Variants in SUMF1 observed in about 807,000 individuals in gnomAD.
SUMF1 encodes the protein sulfatase modifying factor 1.
SUMF1 carries 48 observed loss-of-function variants against 47.6 expected under a neutral mutation model. That is an observed-to-expected ratio of 1.01 (90% CI 0.80 to 1.28). The LOEUF (loss-of-function observed/expected upper bound fraction) is 1.28. SUMF1 is among the 50% of genes most tolerant of loss of function. The probability of loss-of-function intolerance (pLI) is 0.00; values close to 1 mark genes in which losing one functional copy is unlikely to be tolerated. For missense variants in SUMF1, 571 were observed against 485.4 expected (o/e 1.18, Z -1.66); for synonymous variants, 230 against 192.1 (o/e 1.20, Z -1.63).
chr3:4,196,753 G>A (rs2125148361), intron 8 of SUMF1, among the ~76,000 whole-genome samples: 1 of 152,158 alleles, frequency 6.6e-6, no homozygotes, highest in Middle Eastern at 3.4e-3. Flanking sequence ...TTCCTCACCT[G>A]CAATGTATCC....
chr3:4,340,839 G>A (rs1040758818), intron 8 of SUMF1, among the ~76,000 whole-genome samples: 1 of 152,232 alleles, frequency 6.6e-6, no homozygotes, highest in African/African-American at 2.4e-5. Flanking sequence ...TGTAGAATAT[G>A]AGGGCCTCAT....
At chr3:4,115,527 G>T (rs1693401880) in intron 8 of SUMF1, among the ~76,000 whole-genome samples, 1 of 151,738 alleles carries the variant, frequency 6.6e-6, no homozygotes, top group Non-Finnish European at 1.5e-5. Flanking sequence ...AACCGTAGAT[G>T]CTGCCTTGGG....
chr3:4,201,299 TC>T (rs1695535454), intron 8 of SUMF1, among the ~76,000 whole-genome samples: 1 of 152,074 alleles, frequency 6.6e-6, no homozygotes, highest in South Asian at 2.1e-4. Context: ...ACACTACCCT[TC>T]CTAGCTTCTG....
chr3:4,162,344 G>T (rs936412221), intron 8 of SUMF1, among the ~76,000 whole-genome samples: 1 of 152,152 alleles, frequency 6.6e-6, no homozygotes. Flanking sequence ...ATGTCCCCCA[G>T]ATCCACTGGC....
At chr3:4,117,866 T>C (rs1574898902) in intron 8 of SUMF1, among the ~76,000 whole-genome samples, 1 of 152,072 alleles carries the variant, frequency 6.6e-6, no homozygotes, top group African/African-American at 2.4e-5. Context: ...TAATTGGTAT[T>C]CAAGTTGAGA....
At chr3:4,121,630 A>G (rs1322956387) in intron 8 of SUMF1, among the ~76,000 whole-genome samples, 1 of 152,176 alleles carries the variant, frequency 6.6e-6, no homozygotes, top group Non-Finnish European at 1.5e-5. Context: ...TGACCTAGCA[A>G]TTTCATTCCT....
At chr3:4,250,977 T>C (rs1696789360) in intron 8 of SUMF1, among the ~76,000 whole-genome samples, 1 of 151,952 alleles carries the variant, frequency 6.6e-6, no homozygotes, top group Admixed American at 6.6e-5. Flanking sequence ...GATCAAGGAG[T>C]AATCTTGACT....
intron 3 of SUMF1, among the ~76,000 whole-genome samples, chr3:4,435,284 G>A (rs911932182): frequency 6.6e-6 from 1 of 152,126 alleles, no homozygotes. Context: ...GAATGGTCTC[G>A]AATGGAAAGA....
chr3:4,417,009 T>C (rs1701735296), intron 6 of SUMF1, 119 bp downstream of exon 6: 2 of 874,104 alleles, frequency 2.3e-6, no homozygotes, highest in Admixed American at 1.7e-5. Context: ...CAACAGTGAA[T>C]GCATACACGA....
intron 9 of SUMF1, among the ~76,000 whole-genome samples, chr3:4,060,793 G>A (rs375490399): frequency 6.6e-5 from 10 of 152,240 alleles, no homozygotes; most frequent in Admixed American, 4.6e-4. Flanking sequence ...GTTATGATGA[G>A]GAATAAATGA....
At chr3:4,096,258 G>T (rs1159874331) in intron 8 of SUMF1, among the ~76,000 whole-genome samples, 1 of 152,116 alleles carries the variant, frequency 6.6e-6, no homozygotes, top group Non-Finnish European at 1.5e-5. Context: ...AGAACTTCCA[G>T]TAAGTACGGA....
At chr3:4,120,712 A>T (rs957481946) in intron 8 of SUMF1, among the ~76,000 whole-genome samples, 1 of 152,076 alleles carries the variant, frequency 6.6e-6, no homozygotes, top group African/African-American at 2.4e-5. Context: ...GTGACTTACG[A>T]GGTCACTCTA....
At chr3:4,302,182 T>C (rs1697985035) in intron 8 of SUMF1, among the ~76,000 whole-genome samples, 1 of 152,180 alleles carries the variant, frequency 6.6e-6, no homozygotes, top group South Asian at 2.1e-4. Flanking sequence ...CAACATAGCC[T>C]CAGGCAGTCC....
chr3:4,244,823 A>T (rs1696624366), intron 8 of SUMF1, among the ~76,000 whole-genome samples: 1 of 152,042 alleles, frequency 6.6e-6, no homozygotes, highest in Admixed American at 6.6e-5. Flanking sequence ...GTTCTCCTGG[A>T]TAATATCCTG....
intron 8 of SUMF1, among the ~76,000 whole-genome samples, chr3:4,243,061 T>A (rs1320455634): frequency 1.3e-5 from 2 of 152,206 alleles, no homozygotes; most frequent in African/African-American, 4.8e-5. Flanking sequence ...GAGGTGTTTA[T>A]AGTATTCTCT....
At chr3:4,289,692 T>G (rs1461591508) in intron 8 of SUMF1, among the ~76,000 whole-genome samples, 1 of 152,162 alleles carries the variant, frequency 6.6e-6, no homozygotes. Flanking sequence ...TTAAACCCAT[T>G]TTCTTTGTTG....
intron 8 of SUMF1, among the ~76,000 whole-genome samples, chr3:4,235,703 T>G (rs534877132): frequency 6.6e-6 from 1 of 152,202 alleles, no homozygotes; most frequent in South Asian, 2.1e-4. Flanking sequence ...CATGCCCTCA[T>G]ATTTCTTATG....
chr3:4,126,368 T>C (rs1301669988), intron 8 of SUMF1, among the ~76,000 whole-genome samples: 1 of 152,120 alleles, frequency 6.6e-6, no homozygotes, highest in African/African-American at 2.4e-5. Context: ...CTTTCTTCTG[T>C]TAGTGATACA....
intron 8 of SUMF1, among the ~76,000 whole-genome samples, chr3:4,165,186 T>C (rs1175018748): frequency 6.6e-6 from 1 of 152,130 alleles, no homozygotes; most frequent in Admixed American, 6.5e-5. Context: ...CCGCATTCTT[T>C]TCATTAAAGG....
Sources: allele counts gnomAD v4.1 joint callset (sites outside exome capture counted in the v4.1 genomes callset), GRCh38; gene constraint gnomAD v4.1.1; transcripts MANE v1.5; gene names NCBI Gene and HGNC (gene_info 2026-07-23, HGNC 2026-07-21).